CDH4: variants seen among roughly 807,000 people sequenced by gnomAD.
CDH4 encodes the protein cadherin-4.
In CDH4, 33 loss-of-function variants were observed where a neutral mutation model predicts 86.0. That is an observed-to-expected ratio of 0.38 (90% CI 0.29 to 0.51). CDH4 has a LOEUF of 0.51. Among genes scored for constraint, CDH4 ranks in the 20% least tolerant of loss-of-function variants. The probability of loss-of-function intolerance (pLI) is 0.86; values close to 1 mark genes in which losing one functional copy is unlikely to be tolerated. For missense variants in CDH4, 1,114 were observed against 1,307.4 expected, an observed-to-expected ratio of 0.85 and a Z score of 2.28; for synonymous variants, 555 against 549.4, an observed-to-expected ratio of 1.01 and a Z score of -0.14.
At chr20:61,336,043 A>G (rs1471425625) in intron 2 of CDH4, among the ~76,000 whole-genome samples, 1 of 152,168 alleles carries the variant, frequency 6.6e-6, no homozygotes, top group Non-Finnish European at 1.5e-5. Flanking sequence ...GTCATTATCC[A>G]GCTTGTTTTC....
intron 2 of CDH4, among the ~76,000 whole-genome samples, chr20:61,649,956 C>T (rs1258804159): frequency 6.6e-6 from 1 of 152,194 alleles, no homozygotes; most frequent in Non-Finnish European, 1.5e-5. Context: ...GTGAAACTCA[C>T]TGCAGAGGAT....
At chr20:61,286,230 T>C (rs1447152527) in intron 2 of CDH4, among the ~76,000 whole-genome samples, 1 of 152,206 alleles carries the variant, frequency 6.6e-6, no homozygotes, top group Non-Finnish European at 1.5e-5. Context: ...CCCGGCTTGA[T>C]TAGCTGGACA....
chr20:61,333,196 A>G (rs141207122), intron 2 of CDH4, among the ~76,000 whole-genome samples: 1 of 152,280 alleles, frequency 6.6e-6, no homozygotes, highest in East Asian at 1.9e-4. Context: ...ACTGCTTGTA[A>G]TCACACACAC....
chr20:61,447,113 T>C (rs2085355166), intron 2 of CDH4, among the ~76,000 whole-genome samples: 2 of 152,128 alleles, frequency 1.3e-5, no homozygotes, highest in African/African-American at 2.4e-5. Context: ...ATAAATACTC[T>C]CTGTGATTTT....
chr20:61,573,733 C>T (rs2086362476), intron 2 of CDH4, among the ~76,000 whole-genome samples: 2 of 152,226 alleles, frequency 1.3e-5, no homozygotes, highest in African/African-American at 4.8e-5. Flanking sequence ...GAAGGGGCAA[C>T]AGCCGATGTG....
intron 2 of CDH4, among the ~76,000 whole-genome samples, chr20:61,401,157 G>C (rs1444554609): frequency 2.0e-5 from 3 of 152,146 alleles, no homozygotes. Flanking sequence ...CAACCTTTAG[G>C]AGGCAGGGCC....
Position 61,807,485 on chromosome 20 carries a change from T to A in CDH4, c.576+34303T>A, listed in dbSNP as rs1322964883. 6.6e-6 allele frequency among the ~76,000 whole-genome samples: 1 copy of A among 152,190 alleles called. No homozygotes were observed. Among genetic ancestry groups the A allele is most frequent in the Non-Finnish European group, 1.5e-5 (1 of 68,034 alleles). On this transcript the variant is annotated intron_variant, in intron 4 of 15. Coordinates refer to ENST00000614565, the MANE Select transcript of CDH4 (RefSeq NM_001794.5). This position sits in a 1 kb window ranked among gnomAD's most constrained non-coding sequence, Gnocchi z 4.5. ...TGGATTTGGAAATCTCCCTCCTCTT[T>A]CTACTCCATCTCCTCCCGGCTGGGA...
intron 3 of CDH4, among the ~76,000 whole-genome samples, chr20:61,765,093 C>G (rs765503346): frequency 6.6e-6 from 1 of 152,172 alleles, no homozygotes; most frequent in African/African-American, 2.4e-5. Context: ...GCCTCAGGCC[C>G]CCACACCCTT....
chr20:61,587,326 C>T (rs939566120), intron 2 of CDH4, among the ~76,000 whole-genome samples: 3 of 151,990 alleles, frequency 2.0e-5, no homozygotes, highest in Non-Finnish European at 4.4e-5. Flanking sequence ...CCACCTCTGC[C>T]GTCTGGTTTC....
intron 4 of CDH4, 36 bp downstream of exon 4, chr20:61,773,218 C>G (rs750193526): frequency 2.0e-6 from 3 of 1,490,316 alleles, no homozygotes; most frequent in Non-Finnish European, 2.7e-6. Flanking sequence ...ACGGGGGTCT[C>G]GGCGTTAGCA....
At position 61,773,063 on chromosome 20, in the gene CDH4, C is replaced by G. The variant is rs2088795902; in HGVS notation, c.457C>G (p.Leu153Val). ...CTCTCCGCCTCCGAAGGACACCCTG[C>G]TGCCGTGGCCCCAGCACCAGAACGC... is the stretch of plus-strand genomic sequence containing the variant. ...DPSPPPKDTLLPWPQHQNANG... is the reference protein window; with the variant it reads ...DPSPPPKDTLVPWPQHQNANG... The change falls in exon 4 of 16, where the codon CTG (leucine) becomes GTG (valine). Residue 153 changes from leucine to valine, a missense_variant. Leu to Val is a conservative substitution (Grantham distance 32, BLOSUM62 1). Coordinates refer to ENST00000614565, the MANE Select transcript of CDH4 (RefSeq NM_001794.5). The G allele has an allele frequency of 6.2e-7, 1 of 1,613,704 alleles. No homozygotes were observed. The highest frequency in any genetic ancestry group is 8.5e-7 in the Non-Finnish European group (1 of 1,179,940).
chr20:61,447,323 A>ATTTTTTTTTTTT (rs71331923), intron 2 of CDH4, among the ~76,000 whole-genome samples: 46 of 110,840 alleles, frequency 4.2e-4, no homozygotes, highest in Non-Finnish European at 7.0e-4. Flanking sequence ...CGCCCAGCTG[A>ATTTTTTTTTTTT]TTTTTTTTTT....
chr20:61,620,918 G>T (rs1270545422), intron 2 of CDH4, among the ~76,000 whole-genome samples: 1 of 152,252 alleles, frequency 6.6e-6, no homozygotes, highest in African/African-American at 2.4e-5. Context: ...ACTGCTGAGA[G>T]GCGCTTCTTC....
chr20:61,895,362 G>T (rs1234647828), intron 8 of CDH4, among the ~76,000 whole-genome samples: 1 of 152,258 alleles, frequency 6.6e-6, no homozygotes, highest in African/African-American at 2.4e-5. Context: ...ACTTTGGAAG[G>T]CCTGCGTGTG....
At chr20:61,660,630 G>A (rs2087242969) in intron 2 of CDH4, among the ~76,000 whole-genome samples, 1 of 152,172 alleles carries the variant, frequency 6.6e-6, no homozygotes, top group Non-Finnish European at 1.5e-5. Flanking sequence ...GGCAGGACCT[G>A]TGGGTTCGTG....
intron 3 of CDH4, among the ~76,000 whole-genome samples, chr20:61,759,504 G>T (rs915271919): frequency 6.6e-6 from 1 of 152,120 alleles, no homozygotes; most frequent in Non-Finnish European, 1.5e-5. Flanking sequence ...CGTTTATCGC[G>T]GTCCTCACCA....
At chr20:61,671,694 G>A (rs1255200359) in intron 2 of CDH4, among the ~76,000 whole-genome samples, 1 of 151,102 alleles carries the variant, frequency 6.6e-6, no homozygotes, top group African/African-American at 2.4e-5. Context: ...TGGGTGGGTG[G>A]GTGGATAGAT....
In CDH4 at chr20:61,707,585, G is replaced by A. The variant is rs143660914; in HGVS notation, c.170-35978G>A. On this transcript the variant is annotated intron_variant, in intron 2 of 15. Transcript: ENST00000614565. ...TGTTACCCCATAAAAAAGGGGAAAG[G>A]ATGCAAAGATCAATAAAAACAAATC... is the stretch of plus-strand genomic sequence containing the variant. Among the ~76,000 whole-genome samples the A allele has an allele frequency of 7.1e-3, 1,087 of 152,334 alleles. 13 individuals are homozygous for A. The highest frequency in any genetic ancestry group is 9.8e-3 in the Non-Finnish European group (664 of 68,024).
At chr20:61,259,140 T>C (rs1276698295) in intron 2 of CDH4, among the ~76,000 whole-genome samples, 1 of 152,070 alleles carries the variant, frequency 6.6e-6, no homozygotes, top group East Asian at 1.9e-4. Flanking sequence ...CGAAGCAGAG[T>C]TGACAGACAG....
Sources: gnomAD v4.1 joint callset for allele counts (sites outside exome capture counted in the v4.1 genomes callset) on GRCh38, gnomAD v4.1.1 for gene constraint, Gnocchi (gnomAD v3.1) non-coding constraint, MANE v1.5 for transcripts, NCBI Gene and HGNC (gene_info 2026-07-23, HGNC 2026-07-21) for gene names.